The following RDH8 variants were observed in gnomAD, a reference collection of about 807,000 sequenced individuals.
RDH8 encodes photoreceptor outer segment all-trans retinol dehydrogenase.
RDH8 carries 14 observed loss-of-function variants against 22.3 expected under a neutral mutation model. The ratio of observed to expected loss-of-function variants is 0.63; its 90% CI spans 0.42 to 0.98. The LOEUF (loss-of-function observed/expected upper bound fraction) is 0.98. Ranked by LOEUF, RDH8 falls within the 50% of genes least tolerant of loss-of-function variation. The pLI is 0.00. For missense variants in RDH8, 389 were observed against 409.8 expected, an observed-to-expected ratio of 0.95 and a Z score of 0.44; for synonymous variants, 175 against 171.7, an observed-to-expected ratio of 1.02 and a Z score of -0.15.
chr19:10,015,353 T>C (rs1282709218), intron 1 of RDH8, among the ~76,000 whole-genome samples: 4 of 151,766 alleles, frequency 2.6e-5, no homozygotes, highest in Admixed American at 2.6e-4. Flanking sequence ...TTCGGGAGGC[T>C]GAGGCAGAAG....
chr19:10,021,982 AG>A lies in RDH8; in HGVS notation c.*234del. On this transcript the variant is annotated 3_prime_UTR_variant, in exon 6 of 6. Transcript: ENST00000591589. Reference sequence around the variant, plus strand: ...CCTGGGAACTTGGCCTGGGAAGCCCAGAGCAGGAAGCCACAGCTGTCTCTGG... The same window carrying A: ...CCTGGGAACTTGGCCTGGGAAGCCCAAGCAGGAAGCCACAGCTGTCTCTGG... 3.6e-6 allele frequency: 2 copies of A among 561,862 alleles called. No homozygotes were observed. Among genetic ancestry groups the A allele is most frequent in the Non-Finnish European group, 6.3e-6 (2 of 318,512 alleles). 34.8% of individuals were successfully genotyped at this position (561,862 alleles called of 1,614,324 possible).
In RDH8 at chr19:10,021,363, C is replaced by A; in HGVS notation, c.645C>A (p.Tyr215Ter). The A allele has an allele frequency of 6.2e-7, 1 of 1,614,092 alleles. No individual in the cohort carries two copies. Among genetic ancestry groups the A allele is most frequent in the Non-Finnish European group, 8.5e-7 (1 of 1,180,016 alleles). Residue 215 changes from tyrosine (Y) to a stop codon, truncating the protein, a stop_gained, in exon 5 of 6, where the codon TAC (tyrosine) becomes TAA (stop). Coordinates refer to ENST00000591589, the MANE Select transcript of RDH8 (RefSeq NM_015725.4). LOFTEE classifies it high-confidence loss of function. ...FPGTDPETLH[Y>*]FRDLYLPASR... Reference sequence around the variant, plus strand: ...GCACTGACCCTGAGACCCTGCACTACTTCCGGGACCTCTATCTCCCAGCCT... The same window carrying A: ...GCACTGACCCTGAGACCCTGCACTAATTCCGGGACCTCTATCTCCCAGCCT...
intron 1 of RDH8, among the ~76,000 whole-genome samples, chr19:10,016,390 C>T (rs1295220807): frequency 6.6e-6 from 1 of 151,004 alleles, no homozygotes; most frequent in Non-Finnish European, 1.5e-5. Context: ...CTCCTGACCT[C>T]GTGATCTGCC....
At chr19:10,013,897 G>A (rs1017397668) in intron 1 of RDH8, among the ~76,000 whole-genome samples, 3 of 152,146 alleles carry the variant, frequency 2.0e-5, no homozygotes, top group Admixed American at 2.0e-4. Context: ...GCTCTATCTG[G>A]TGGGAATAAG....
At chr19:10,020,285 G>GAGC (rs1235321969) in intron 3 of RDH8, among the ~76,000 whole-genome samples, 2 of 135,682 alleles carry the variant, frequency 1.5e-5, no homozygotes, top group African/African-American at 5.4e-5. Flanking sequence ...CTGCAGAACA[G>GAGC]AGCAACACCT....
chr19:10,016,473 T>C (rs1477618929), intron 1 of RDH8, among the ~76,000 whole-genome samples: 3 of 148,068 alleles, frequency 2.0e-5, no homozygotes, highest in African/African-American at 7.6e-5. Context: ...TTATTTTTTA[T>C]TTTTTGAGAC....
intron 1 of RDH8, among the ~76,000 whole-genome samples, chr19:10,016,740 G>A (rs552959136): frequency 7.9e-5 from 12 of 152,226 alleles, no homozygotes; most frequent in African/African-American, 2.9e-4. Flanking sequence ...CCAACGTGCT[G>A]GGATTACAGG....
At chr19:10,015,956 CA>C (rs1251036060) in intron 1 of RDH8, among the ~76,000 whole-genome samples, 6 of 138,272 alleles carry the variant, frequency 4.3e-5, no homozygotes, top group East Asian at 2.1e-4. Flanking sequence ...AACTTCGTCT[CA>C]AAAAAAAAAT....
At chr19:10,020,492 GGGA>G (rs1301255298) in intron 3 of RDH8, among the ~76,000 whole-genome samples, 1 of 151,986 alleles carries the variant, frequency 6.6e-6, no homozygotes, top group African/African-American at 2.4e-5. Context: ...AGGTGGAGCT[GGGA>G]GGAGGTGGCA....
At chr19:10,015,912 C>G (rs974117426) in intron 1 of RDH8, among the ~76,000 whole-genome samples, 1 of 151,486 alleles carries the variant, frequency 6.6e-6, no homozygotes, top group Non-Finnish European at 1.5e-5. Flanking sequence ...AGATTGCACC[C>G]CTGTACTCCA....
At chr19:10,013,735 C>A in intron 1 of RDH8, 135 bp downstream of exon 1, 1 of 849,952 alleles carries the variant, frequency 1.2e-6, no homozygotes, top group South Asian at 1.7e-5. Flanking sequence ...ATCATCCCCT[C>A]ATCCTAGAAA....
chr19:10,016,860 G>A (rs774085953), intron 1 of RDH8, among the ~76,000 whole-genome samples, 197 bp from the exon 2 acceptor site: 3 of 152,192 alleles, frequency 2.0e-5, no homozygotes, highest in African/African-American at 4.8e-5. Context: ...TGAACTCATG[G>A]TTGGAAGGAT....
At chr19:10,016,505 G>T (rs2145165577) in intron 1 of RDH8, among the ~76,000 whole-genome samples, 1 of 151,620 alleles carries the variant, frequency 6.6e-6, no homozygotes, top group Non-Finnish European at 1.5e-5. Flanking sequence ...CTCTCACCCA[G>T]ACGGTAGTGC....
At position 10,018,823 on chromosome 19, in the gene RDH8, G is replaced by A; in HGVS notation, c.355G>A (p.Val119Ile). The A allele has an allele frequency of 6.2e-7, 1 of 1,613,998 alleles. No homozygotes were observed. The highest frequency in any genetic ancestry group is 8.5e-7 in the Non-Finnish European group (1 of 1,179,948). ...NVFDTNFFGA[V>I]RLVKAVLPGM... ...CTTTGACACCAACTTTTTCGGAGCT[G>A]TCCGTCTCGTCAAAGCTGTGCTTCC... Residue 119 changes from valine (V) to isoleucine (I), a missense_variant, in exon 3 of 6, where the codon GTC becomes ATC. By Grantham distance (29) the Val-to-Ile change is conservative. Coordinates refer to ENST00000591589, the MANE Select transcript of RDH8 (RefSeq NM_015725.4).
intron 1 of RDH8, 128 bp from the exon 2 acceptor site, chr19:10,016,929 A>G (rs1394248397): frequency 2.0e-6 from 2 of 987,162 alleles, no homozygotes; most frequent in Non-Finnish European, 2.9e-6. Context: ...TGAGTGATAA[A>G]TGTAGGTGTG....
chr19:10,015,156 G>A (rs2087601102), intron 1 of RDH8, among the ~76,000 whole-genome samples: 1 of 152,132 alleles, frequency 6.6e-6, no homozygotes, highest in African/African-American at 2.4e-5. Context: ...TCCTGCTTAA[G>A]AACATAAGCT....
At chr19:10,018,152 T>C (rs1460640343) in intron 2 of RDH8, among the ~76,000 whole-genome samples, 1 of 151,916 alleles carries the variant, frequency 6.6e-6, no homozygotes, top group Non-Finnish European at 1.5e-5. Flanking sequence ...TCCATGTTCA[T>C]CAGGCTGGTC....
chr19:10,020,454 G>T (rs537448026), intron 3 of RDH8, among the ~76,000 whole-genome samples: 86 of 152,100 alleles, frequency 5.7e-4, no homozygotes, highest in African/African-American at 2.0e-3. Flanking sequence ...TTAGAGAATG[G>T]AGGGAAATAG....
At chr19:10,014,182 C>A (rs926686471) in intron 1 of RDH8, among the ~76,000 whole-genome samples, 1 of 152,184 alleles carries the variant, frequency 6.6e-6, no homozygotes, top group Non-Finnish European at 1.5e-5. Flanking sequence ...ACCAGGAGAA[C>A]CCCTGACCCA....
Sources: allele counts gnomAD v4.1 joint callset (sites outside exome capture counted in the v4.1 genomes callset), GRCh38; gene constraint gnomAD v4.1.1; transcripts MANE v1.5; gene names NCBI Gene and HGNC (gene_info 2026-07-23, HGNC 2026-07-21).